Variants in SHISA9 observed in about 807,000 individuals in gnomAD.
SHISA9 encodes the protein shisa family member 9.
Under a neutral mutation model 38.0 loss-of-function variants are expected in SHISA9, and 13 were observed. The ratio of observed to expected loss-of-function variants is 0.34; its 90% CI spans 0.22 to 0.54. SHISA9 has a LOEUF of 0.54. Ranked by LOEUF, SHISA9 falls within the 20% of genes least tolerant of loss-of-function variation. The pLI is 0.91. For missense variants in SHISA9, 538 were observed against 575.8 expected (o/e 0.93, Z 0.67); for synonymous variants, 275 against 242.0 (o/e 1.14, Z -1.27).
chr16:12,958,158 C>T (rs1329959817), intron 2 of SHISA9, among the ~76,000 whole-genome samples: 2 of 152,260 alleles, frequency 1.3e-5, no homozygotes, highest in Non-Finnish European at 2.9e-5. Flanking sequence ...CTGTGAATCT[C>T]CTGTAGGCTT....
intron 2 of SHISA9, among the ~76,000 whole-genome samples, chr16:13,102,455 T>C (rs917088014): frequency 2.0e-5 from 3 of 152,134 alleles, no homozygotes; most frequent in Admixed American, 6.5e-5. Flanking sequence ...TCTCTTTCTC[T>C]AAGGGTGAAC....
chr16:12,981,051 T>C (rs2072233600), intron 2 of SHISA9, among the ~76,000 whole-genome samples: 1 of 152,246 alleles, frequency 6.6e-6, no homozygotes, highest in Admixed American at 6.5e-5. Flanking sequence ...CAATGTGTTG[T>C]TTTTCTTTCA....
At chr16:13,002,533 C>CTTTT (rs35810010) in intron 2 of SHISA9, among the ~76,000 whole-genome samples, 3 of 125,656 alleles carry the variant, frequency 2.4e-5, no homozygotes, top group Non-Finnish European at 3.3e-5. Context: ...TGGTTCCTGT[C>CTTTT]TTTTTTTTTT....
intron 4 of SHISA9, among the ~76,000 whole-genome samples, chr16:13,220,438 G>C (rs1217846800): frequency 6.6e-6 from 1 of 152,214 alleles, no homozygotes; most frequent in Admixed American, 6.5e-5. Flanking sequence ...ACAGAGTGTA[G>C]AGATGGAGAA....
intron 4 of SHISA9, 65 bp from the exon 5 acceptor site, chr16:13,234,957 ACTCTCTCT>A (rs71147791): frequency 3.7e-4 from 484 of 1,324,580 alleles, no homozygotes; most frequent in African/African-American, 7.4e-4. Flanking sequence ...CCAGTCTCTA[ACTCTCTCT>A]CTCTCTCTCT....
the SHISA9 span, among the ~76,000 whole-genome samples, chr16:13,495,900 A>G: frequency 2.6e-5 from 4 of 152,184 alleles, no homozygotes; most frequent in Admixed American, 6.5e-5. Flanking sequence ...AAGATCAAAG[A>G]CATGAAATAG....
At chr16:13,492,623 T>C in the SHISA9 span, among the ~76,000 whole-genome samples, 4 of 152,196 alleles carry the variant, frequency 2.6e-5, no homozygotes, top group African/African-American at 9.7e-5. Flanking sequence ...CATTCACCAC[T>C]GTATCCACAG....
chr16:13,036,525 A>G (rs551701190), intron 2 of SHISA9, among the ~76,000 whole-genome samples: 16 of 152,148 alleles, frequency 1.1e-4, no homozygotes, highest in South Asian at 2.1e-4. Flanking sequence ...GGTGATGGAA[A>G]TATTCTGTAT....
the SHISA9 span, among the ~76,000 whole-genome samples, chr16:13,479,815 C>T: frequency 1.3e-5 from 2 of 152,132 alleles, no homozygotes; most frequent in Non-Finnish European, 2.9e-5. Context: ...AGTTCTATTC[C>T]CTTTGTCAGG....
the SHISA9 span, among the ~76,000 whole-genome samples, chr16:13,262,770 G>A: frequency 2.6e-5 from 4 of 152,080 alleles, no homozygotes; most frequent in South Asian, 4.1e-4. Context: ...ACTCCCTTGT[G>A]TAATGGAACA....
chr16:13,289,948 A>G, the SHISA9 span, among the ~76,000 whole-genome samples: 1 of 152,224 alleles, frequency 6.6e-6, no homozygotes, highest in Non-Finnish European at 1.5e-5. Flanking sequence ...TAAAGAAAGA[A>G]TGCTGTAATT....
chr16:12,968,524 A>C (rs1320874200), intron 2 of SHISA9, among the ~76,000 whole-genome samples: 1 of 152,244 alleles, frequency 6.6e-6, no homozygotes, highest in African/African-American at 2.4e-5. Context: ...ATATCCATCA[A>C]TGGCTGAATG....
chr16:13,092,084 T>C (rs1388905824), intron 2 of SHISA9, among the ~76,000 whole-genome samples: 3 of 152,200 alleles, frequency 2.0e-5, no homozygotes, highest in Non-Finnish European at 4.4e-5. Context: ...TGTTGGAGTT[T>C]GCTGGAATTC....
chr16:13,547,511 CT>C, the SHISA9 span, among the ~76,000 whole-genome samples: 2 of 152,134 alleles, frequency 1.3e-5, no homozygotes, highest in African/African-American at 4.8e-5. Flanking sequence ...ACCAGGATCT[CT>C]GATATACAAT....
chr16:13,252,622 A>C, the SHISA9 span, among the ~76,000 whole-genome samples: 72,637 of 151,932 alleles, frequency 0.48, 17,634 homozygotes, highest in South Asian at 0.64. Context: ...TGCGCTGCTC[A>C]TGTCTCCTGG....
the SHISA9 span, among the ~76,000 whole-genome samples, chr16:13,387,503 T>G: frequency 6.7e-6 from 1 of 149,646 alleles, no homozygotes; most frequent in Non-Finnish European, 1.5e-5. Context: ...TTTTTTTTTT[T>G]CTTGAGACGG....
chr16:13,085,749 T>C (rs1437847968), intron 2 of SHISA9, among the ~76,000 whole-genome samples: 11 of 152,202 alleles, frequency 7.2e-5, no homozygotes, highest in Admixed American at 7.2e-4. Context: ...CGCAGTCTTA[T>C]TTCTATATCC....
the SHISA9 span, among the ~76,000 whole-genome samples, chr16:13,424,958 T>A: frequency 6.6e-5 from 10 of 152,058 alleles, no homozygotes; most frequent in African/African-American, 2.4e-4. Context: ...CATCATAACA[T>A]CCAAATAAAC....
chr16:13,204,687 A>C (rs1170482192), intron 3 of SHISA9: 2 of 152,238 alleles, frequency 1.3e-5, no homozygotes, highest in African/African-American at 4.8e-5. Context: ...GTTCTTACCA[A>C]GTGCAAGACA....
Sources: allele counts gnomAD v4.1 joint callset (sites outside exome capture counted in the v4.1 genomes callset), GRCh38; gene constraint gnomAD v4.1.1; transcripts MANE v1.5; gene names NCBI Gene and HGNC (gene_info 2026-07-23, HGNC 2026-07-21).